FAM13A: variants seen among roughly 807,000 people sequenced by gnomAD.
FAM13A encodes protein FAM13A.
FAM13A carries 76 observed loss-of-function variants against 129.6 expected under a neutral mutation model. The ratio of observed to expected loss-of-function variants is 0.59; its 90% CI spans 0.49 to 0.71. FAM13A has a LOEUF of 0.71. FAM13A is among the 30% of genes least tolerant of loss of function. FAM13A has a pLI of 0.00. For missense variants in FAM13A, 1,108 were observed against 1,249.3 expected (o/e 0.89, Z 1.70); for synonymous variants, 443 against 449.9 (o/e 0.98, Z 0.20).
In FAM13A at chr4:88,875,963, A is replaced by T. The variant is rs1051974007; in HGVS notation, c.844-24780T>A. Among the ~76,000 whole-genome samples, 6 of 152,220 alleles carry T rather than the reference A, an allele frequency of 3.9e-5. No individual in the cohort carries two copies. The South Asian group carries it at 8.3e-4, about 21-fold the overall frequency. The stretch of plus-strand genomic sequence containing the variant: ...ACACCATGGAATACTATGCAGCCAC[A>T]AAAAAGGATGAATTCATGTCCTTTC... On this transcript the variant is annotated intron_variant, in intron 6 of 23. Coordinates refer to ENST00000264344, the MANE Select transcript of FAM13A (RefSeq NM_014883.4).
intron 3 of FAM13A, among the ~76,000 whole-genome samples, chr4:89,007,815 C>T (rs912317948): frequency 6.6e-6 from 1 of 152,116 alleles, no homozygotes; most frequent in Non-Finnish European, 1.5e-5. Context: ...GATTATACTG[C>T]CAATATCACA....
At chr4:88,850,957 C>T (rs1193177419) in intron 7 of FAM13A, 63 bp downstream of exon 7, 27 of 1,443,252 alleles carry the variant, frequency 1.9e-5, no homozygotes, top group Middle Eastern at 1.9e-4. Flanking sequence ...CCTACATATG[C>T]GGGCCTAAAC....
chr4:89,015,399 C>T (rs987804892), intron 3 of FAM13A, among the ~76,000 whole-genome samples: 6 of 152,140 alleles, frequency 3.9e-5, no homozygotes, highest in African/African-American at 7.2e-5. Flanking sequence ...GGGGGCATCA[C>T]GGAACCTGCT....
chr4:88,824,130 TA>T lies in FAM13A; in HGVS notation c.1008-19079del, dbSNP rs539075497. On this transcript the variant is annotated intron_variant, in intron 7 of 23. Coordinates refer to ENST00000264344, the MANE Select transcript of FAM13A (RefSeq NM_014883.4). ...TACCAGGGTGTTATTTTTAGGAACA[TA>T]AATCCTAATCCATAGATTTTATACA... Among the ~76,000 whole-genome samples the T allele has an allele frequency of 2.5e-3, 387 of 152,332 alleles. 2 individuals carry two copies. The highest frequency in any genetic ancestry group is 8.2e-3 in the African/African-American group (340 of 41,578).
chr4:88,826,513 A>G (rs1015908547), intron 7 of FAM13A, among the ~76,000 whole-genome samples: 2 of 152,190 alleles, frequency 1.3e-5, no homozygotes, highest in Non-Finnish European at 2.9e-5. Flanking sequence ...ACTTAAACTT[A>G]GTTTGAACCA....
At chr4:88,979,751 T>C (rs1367550112) in intron 4 of FAM13A, among the ~76,000 whole-genome samples, 2 of 152,106 alleles carry the variant, frequency 1.3e-5, no homozygotes, top group East Asian at 1.9e-4. Context: ...AGGCAGCAGA[T>C]CATGAGGTCA....
chr4:88,864,038 T>G (rs1441203551), intron 6 of FAM13A, among the ~76,000 whole-genome samples: 3 of 152,336 alleles, frequency 2.0e-5, no homozygotes, highest in African/African-American at 7.2e-5. Context: ...TATATTGCGA[T>G]AATAGAATTC....
chr4:88,965,294 G>A (rs1759207957), intron 4 of FAM13A, among the ~76,000 whole-genome samples: 1 of 152,122 alleles, frequency 6.6e-6, no homozygotes, highest in Non-Finnish European at 1.5e-5. Context: ...GTAGACTCTG[G>A]GTTTGTTGCT....
chr4:88,912,006 C>T (rs1219806472), intron 5 of FAM13A, among the ~76,000 whole-genome samples: 2 of 152,212 alleles, frequency 1.3e-5, no homozygotes, highest in Non-Finnish European at 2.9e-5. Flanking sequence ...CTCCGTCTTA[C>T]TCTTGTTCTT....
In FAM13A at chr4:88,804,624, G is replaced by GT. The variant is rs1205011727; in HGVS notation, c.1049+386dup. 1.4e-4 allele frequency among the ~76,000 whole-genome samples: 21 copies of GT among 152,252 alleles called. No individual in the cohort carries two copies. The Middle Eastern group carries it at 0.01, about 74-fold the overall frequency. On this transcript the variant is annotated intron_variant, in intron 8 of 23. Transcript: ENST00000264344. ...TCTCCGCTATGACATAGAAAATGAT[G>GT]TAACACAACCCAAGGCTTTATCTGT...
chr4:88,749,168 C>A (rs1742017252), intron 16 of FAM13A, 135 bp from the exon 17 acceptor site: 1 of 711,482 alleles, frequency 1.4e-6, no homozygotes, highest in African/African-American at 1.8e-5. Flanking sequence ...CACGACCAAT[C>A]AGAGCAAATG....
chr4:89,005,473 G>C (rs9999873), intron 3 of FAM13A, among the ~76,000 whole-genome samples: 16,015 of 152,120 alleles, frequency 0.11, 906 homozygotes, highest in African/African-American at 0.15. Context: ...TCTGTCTTTA[G>C]GTCTTTGAGG....
intron 1 of FAM13A, among the ~76,000 whole-genome samples, chr4:89,041,157 A>T (rs1770067206): frequency 6.6e-6 from 1 of 152,232 alleles, no homozygotes; most frequent in African/African-American, 2.4e-5. Flanking sequence ...GAAGGAATAC[A>T]TTCTAATGAT....
rs1349585314 is a variant in FAM13A, at chr4:89,029,615, ATG to A, written c.60_61del (p.Met21GlufsTer10). ...TAATGGCACTGCCACTATCTTTTTC[ATG>A]TCTTCTTTCAGCCGAACCGCTGCTT... On this transcript the variant is annotated frameshift_variant, in exon 2 of 24. Transcript: ENST00000264344. LOFTEE classifies it high-confidence loss of function. 1 of 1,584,106 alleles carries A rather than the reference ATG, an allele frequency of 6.3e-7. No individual in the cohort carries two copies. Among genetic ancestry groups the A allele is most frequent in the South Asian group, 1.2e-5 (1 of 85,562 alleles).
At chr4:88,992,859 G>A (rs1763079616) in intron 3 of FAM13A, among the ~76,000 whole-genome samples, 1 of 152,172 alleles carries the variant, frequency 6.6e-6, no homozygotes, top group Admixed American at 6.5e-5. Flanking sequence ...GAATAAAAAT[G>A]TAATTCAGTT....
chr4:88,919,443 C>T (rs1561334410), intron 5 of FAM13A, among the ~76,000 whole-genome samples: 1 of 152,148 alleles, frequency 6.6e-6, no homozygotes. Context: ...TTAACTTTCA[C>T]TTAGATAAAT....
In FAM13A at chr4:88,763,683, C is replaced by A. The variant is rs555913665; in HGVS notation, c.1578+3870G>T. Among the ~76,000 whole-genome samples, 8 of 152,292 alleles carry A rather than the reference C, an allele frequency of 5.3e-5. No individual in the cohort carries two copies. The South Asian group carries it at 8.3e-4, about 16-fold the overall frequency. On this transcript the variant is annotated intron_variant, in intron 13 of 23. Transcript: ENST00000264344. ...GTTTTATTCCTTCCATTGCCCTGCA[C>A]AGGATATAGTTAAGTGGCCTAATAG... is the stretch of plus-strand genomic sequence containing the variant.
At chr4:88,882,096 G>A (rs1322530055) in intron 6 of FAM13A, among the ~76,000 whole-genome samples, 44 of 152,152 alleles carry the variant, frequency 2.9e-4, no homozygotes. Flanking sequence ...GGCCTTGCTA[G>A]AGATCTAGAT....
intron 7 of FAM13A, among the ~76,000 whole-genome samples, chr4:88,826,609 C>A (rs1208329870): frequency 2.0e-5 from 3 of 152,112 alleles, no homozygotes; most frequent in Non-Finnish European, 4.4e-5. Context: ...CAAAACAGAA[C>A]CTCTCTCACT....
Sources: allele counts gnomAD v4.1 joint callset (sites outside exome capture counted in the v4.1 genomes callset), GRCh38; gene constraint gnomAD v4.1.1; transcripts MANE v1.5; gene names NCBI Gene and HGNC (gene_info 2026-07-23, HGNC 2026-07-21).